Variants in CDH13 observed in about 807,000 individuals in gnomAD.
CDH13 encodes cadherin-13.
In CDH13, 24 loss-of-function variants were observed where a neutral mutation model predicts 63.8. That is an observed-to-expected ratio of 0.38 (90% CI 0.27 to 0.53). The LOEUF (loss-of-function observed/expected upper bound fraction) is 0.53. CDH13 is among the 20% of genes least tolerant of loss of function. The pLI is 0.85. For synonymous variants in CDH13, 503 were observed against 355.3 expected, an observed-to-expected ratio of 1.42 and a Z score of -4.67; for missense variants, 1,049 against 903.1, an observed-to-expected ratio of 1.16 and a Z score of -2.07.
At chr16:83,627,385 C>T (rs189868281) in intron 8 of CDH13, among the ~76,000 whole-genome samples, 18 of 152,254 alleles carry the variant, frequency 1.2e-4, no homozygotes, top group South Asian at 4.1e-4. Context: ...ATACATACAG[C>T]GAAGCAGAAT....
chr16:82,875,436 C>A lies in CDH13; in HGVS notation c.157+16963C>A, dbSNP rs925657182. Among the ~76,000 whole-genome samples, 4 of 152,130 alleles carry A rather than the reference C, an allele frequency of 2.6e-5. No individual in the cohort carries two copies. In the East Asian group the frequency reaches 7.7e-4, roughly 29 times the overall value. On this transcript the variant is annotated intron_variant, in intron 2 of 13. Transcript: ENST00000567109. ...GAAGTTGCATAGTCACAGGTTCATC[C>A]AAAGACCTGAATGACAAGGTCTCAG...
At chr16:82,998,020 G>T (rs1912438686) in intron 2 of CDH13, among the ~76,000 whole-genome samples, 1 of 152,172 alleles carries the variant, frequency 6.6e-6, no homozygotes, top group South Asian at 2.1e-4. Context: ...TAGAGAAAGA[G>T]AATCTCAGAG....
chr16:82,773,842 T>G (rs2035370539), intron 1 of CDH13, among the ~76,000 whole-genome samples: 1 of 151,824 alleles, frequency 6.6e-6, no homozygotes, highest in Admixed American at 6.6e-5. Flanking sequence ...GGAGTGCAAT[T>G]GCGCGATCTC....
intron 8 of CDH13, among the ~76,000 whole-genome samples, chr16:83,632,061 G>A (rs1020695030): frequency 3.3e-5 from 5 of 152,182 alleles, no homozygotes; most frequent in Admixed American, 1.3e-4. Context: ...AAAGAAGAAC[G>A]AACCCAATTA....
chr16:83,070,781 A>G (rs144341533), intron 3 of CDH13, among the ~76,000 whole-genome samples: 2 of 151,428 alleles, frequency 1.3e-5, no homozygotes, highest in East Asian at 3.9e-4. Context: ...GTAAAAACCT[A>G]GTTCAGCAAA....
chr16:82,800,113 A>G (rs571615908), intron 1 of CDH13, among the ~76,000 whole-genome samples: 19 of 152,124 alleles, frequency 1.2e-4, no homozygotes, highest in Non-Finnish European at 1.9e-4. Flanking sequence ...TAACTATTGC[A>G]TATTTGTCTG....
intron 1 of CDH13, among the ~76,000 whole-genome samples, chr16:82,635,667 C>T (rs961377892): frequency 6.6e-6 from 1 of 152,132 alleles, no homozygotes; most frequent in Non-Finnish European, 1.5e-5. Flanking sequence ...TCATGGGAAG[C>T]TGGATTCAGG....
chr16:83,473,485 T>C (rs949810023), intron 6 of CDH13, among the ~76,000 whole-genome samples: 1 of 152,192 alleles, frequency 6.6e-6, no homozygotes, highest in Non-Finnish European at 1.5e-5. Context: ...CTGGAGATCC[T>C]TGTTGATCAT....
Position 83,602,450 on chromosome 16 carries a change from G to C in CDH13, c.961-4G>C. 1 of 1,613,906 alleles carries C rather than the reference G, an allele frequency of 6.2e-7. No individual in the cohort carries two copies. Among genetic ancestry groups the C allele is most frequent in the Non-Finnish European group, 8.5e-7 (1 of 1,179,800 alleles). Reference sequence around the variant, plus strand: ...TATTATTTCTTTGTGCTTGTGCTTTGTAGACTCTGGAAAATCCCAAGTATG... The same window carrying C: ...TATTATTTCTTTGTGCTTGTGCTTTCTAGACTCTGGAAAATCCCAAGTATG... On this transcript the variant is annotated splice_polypyrimidine_tract_variant and splice_region_variant and intron_variant, in intron 7 of 13. Transcript: ENST00000567109.
intron 3 of CDH13, among the ~76,000 whole-genome samples, chr16:83,068,803 C>A (rs974654405): frequency 6.6e-6 from 1 of 152,078 alleles, no homozygotes; most frequent in Non-Finnish European, 1.5e-5. Flanking sequence ...CTGTGGACAC[C>A]CTGCTTGCCA....
chr16:83,328,500 C>G (rs981454860), intron 5 of CDH13, among the ~76,000 whole-genome samples: 2 of 152,100 alleles, frequency 1.3e-5, no homozygotes, highest in Admixed American at 1.3e-4. Flanking sequence ...TACTGAAAGG[C>G]CAATTTACGT....
chr16:82,861,140 T>C (rs1336709299), intron 2 of CDH13, among the ~76,000 whole-genome samples: 2 of 152,222 alleles, frequency 1.3e-5, no homozygotes, highest in Non-Finnish European at 1.5e-5. Flanking sequence ...TGAATCATTG[T>C]ATACCAAAGA....
chr16:83,788,146 C>T (rs903251156), intron 13 of CDH13, among the ~76,000 whole-genome samples: 17 of 152,150 alleles, frequency 1.1e-4, no homozygotes, highest in Middle Eastern at 3.2e-3. Flanking sequence ...TCACACATTG[C>T]CCTCTGTAAA....
intron 1 of CDH13, among the ~76,000 whole-genome samples, chr16:82,630,152 G>C (rs1449767065): frequency 1.3e-5 from 2 of 152,190 alleles, no homozygotes; most frequent in Non-Finnish European, 2.9e-5. Context: ...TGTGTGTTAT[G>C]TTTTAAGAGC....
intron 1 of CDH13, among the ~76,000 whole-genome samples, chr16:82,729,453 G>C (rs1442011005): frequency 6.6e-6 from 1 of 152,118 alleles, no homozygotes; most frequent in East Asian, 1.9e-4. Flanking sequence ...TGGGTGACCA[G>C]CTGCATTGTC....
intron 8 of CDH13, among the ~76,000 whole-genome samples, chr16:83,617,083 A>G (rs767895786): frequency 2.0e-5 from 3 of 152,060 alleles, no homozygotes; most frequent in Non-Finnish European, 4.4e-5. Context: ...TAGAGTTACC[A>G]CATTGCCTTT....
At chr16:83,742,233 G>A (rs1407277807) in intron 10 of CDH13, among the ~76,000 whole-genome samples, 1 of 152,210 alleles carries the variant, frequency 6.6e-6, no homozygotes, top group Non-Finnish European at 1.5e-5. Context: ...GGGCCCTGCT[G>A]AGAGTGAGCC....
At chr16:83,783,196 A>T in intron 12 of CDH13, 58 bp from the exon 13 acceptor site, 2 of 1,188,546 alleles carry the variant, frequency 1.7e-6, no homozygotes, top group South Asian at 1.3e-5. Context: ...CCAAAACCTC[A>T]CTCTTTTATT....
chr16:83,024,814 C>G (rs929800980), intron 2 of CDH13, among the ~76,000 whole-genome samples: 8 of 152,314 alleles, frequency 5.3e-5, no homozygotes, highest in Admixed American at 5.2e-4. Flanking sequence ...GAGCAGGGCT[C>G]TGTAATTTCA....
Sources: allele counts gnomAD v4.1 joint callset (sites outside exome capture counted in the v4.1 genomes callset), GRCh38; gene constraint gnomAD v4.1.1; transcripts MANE v1.5; gene names NCBI Gene and HGNC (gene_info 2026-07-23, HGNC 2026-07-21).